The following SF1 variants were observed in gnomAD, a reference collection of about 807,000 sequenced individuals.
SF1 encodes the protein splicing factor 1.
Under a neutral mutation model 62.5 loss-of-function variants are expected in SF1, and 7 were observed. The ratio of observed to expected loss-of-function variants is 0.11; its 90% confidence interval spans 0.06 to 0.21. SF1 has a LOEUF of 0.21. Ranked by LOEUF, SF1 falls within the 10% of genes least tolerant of loss-of-function variation. The pLI is 1.00. For missense variants in SF1, 578 were observed against 884.0 expected (o/e 0.65, Z 4.39); for synonymous variants, 394 against 323.6 (o/e 1.22, Z -2.33).
rs544350478 is a variant in SF1 at position 64,764,737 on chromosome 11, T to C, written c.*1081A>G. 3 of 152,710 alleles carry C rather than the reference T, an allele frequency of 2.0e-5. No individual in the cohort carries two copies. Among genetic ancestry groups the C allele is most frequent in the African/African-American group, 7.2e-5 (3 of 41,542 alleles). 9.5% of individuals were successfully genotyped at this position (152,710 alleles called of 1,614,324 possible). ...TGAAGAGAACGCGCAGTATACATTA[T>C]TGTCAACAGAATCACTTCATGGAGA... On this transcript the variant is annotated 3_prime_UTR_variant, in exon 13 of 13. Coordinates refer to ENST00000377390, the MANE Select transcript of SF1 (RefSeq NM_004630.4).
At chr11:64,776,379 T>G in intron 2 of SF1, 119 bp downstream of exon 2, 1 of 1,118,192 alleles carries the variant, frequency 8.9e-7, no homozygotes, top group Non-Finnish European at 1.3e-6. Context: ...ACCAAAGTCG[T>G]GAAAGTATCT....
intron 10 of SF1, 38 bp downstream of exon 10, chr11:64,767,533 C>T: frequency 6.6e-7 from 1 of 1,520,134 alleles, no homozygotes; most frequent in Non-Finnish European, 8.8e-7. Flanking sequence ...CTTGCTTATC[C>T]CAAAGCCCCC....
Position 64,765,464 on chromosome 11 carries a change from G to A in SF1, c.*354C>T. The A allele has an allele frequency of 3.1e-6, 5 of 1,613,082 alleles. No homozygotes were observed. The highest frequency in any genetic ancestry group is 4.2e-6 in the Non-Finnish European group (5 of 1,179,392). On this transcript the variant is annotated 3_prime_UTR_variant, in exon 13 of 13. Coordinates refer to ENST00000377390, the MANE Select transcript of SF1 (RefSeq NM_004630.4). ...GTCTGCCTGGAAGGGTCACCAATGG[G>A]CGCGGAAAGTCCTCACTCTCATGGC...
intron 1 of SF1, among the ~76,000 whole-genome samples, chr11:64,776,831 G>T (rs528161670): frequency 6.6e-6 from 1 of 152,152 alleles, no homozygotes; most frequent in South Asian, 2.1e-4. Context: ...TGTGGTCCTT[G>T]GTCAGGCAAG....
intron 3 of SF1, chr11:64,773,128 G>A (rs1938587303): frequency 2.5e-6 from 3 of 1,199,046 alleles, no homozygotes; most frequent in Non-Finnish European, 3.1e-6. Flanking sequence ...CAGGTTAACG[G>A]GCCACCTCAC....
In SF1 at chr11:64,765,364, T is replaced by G. The variant is rs771188004; in HGVS notation, c.*454A>C. 1 of 921,206 alleles carries G rather than the reference T, an allele frequency of 1.1e-6. No individual in the cohort carries two copies. Among genetic ancestry groups the G allele is most frequent in the Admixed American group, 2.0e-5 (1 of 50,066 alleles). The allele number at this position is 921,206 out of a possible 1,614,324, so 57.1% of individuals were successfully genotyped here. A position where few individuals can be genotyped will look rare whatever the true frequency, so the allele number is the denominator to read the frequency against. ...AATTTCACGATATGGAGCCAGCGTG[T>G]TCCGATTCCGTCCACAAAAATAACT... is the stretch of plus-strand genomic sequence containing the variant. On this transcript the variant is annotated 3_prime_UTR_variant, in exon 13 of 13. Coordinates refer to ENST00000377390, the MANE Select transcript of SF1 (RefSeq NM_004630.4).
At chr11:64,770,529 A>G in intron 3 of SF1, 121 bp from the exon 4 acceptor site, 1 of 1,051,488 alleles carries the variant, frequency 9.5e-7, no homozygotes. Flanking sequence ...TCTTCGGAGG[A>G]ACCGACCATA....
At chr11:64,778,165 GGGCGGCGGCGGAGGCGGCGGA>G (rs1283588446) in intron 1 of SF1, 176 bp downstream of exon 1, 3 of 898,724 alleles carry the variant, frequency 3.3e-6, no homozygotes, top group Admixed American at 5.1e-5. Context: ...GAGGCGGAGG[GGGCGGCGGCGGAGGCGGCGGA>G]GGCAGCGCCG....
At chr11:64,777,817 T>C (rs1272496146) in intron 1 of SF1, 15 of 878,618 alleles carry the variant, frequency 1.7e-5, no homozygotes, top group Non-Finnish European at 2.0e-5. Flanking sequence ...GCGTGCGCAC[T>C]CGAGGCCCTA....
At chr11:64,766,277 G>A (rs2058661773) in intron 12 of SF1, 122 bp from the exon 13 acceptor site, 1 of 476,798 alleles carries the variant, frequency 2.1e-6, no homozygotes, top group Non-Finnish European at 3.8e-6. Flanking sequence ...TACGGTGGTG[G>A]GGGGCGGGTG....
At position 64,770,138 on chromosome 11, in the gene SF1, G is replaced by A. The variant is rs567768329; in HGVS notation, c.390-85C>T. 4.9e-4 allele frequency: 758 copies of A among 1,545,490 alleles called. 2 individuals are homozygous for A. The highest frequency in any genetic ancestry group is 6.2e-4 in the Non-Finnish European group (693 of 1,118,748). ...TTCTAAAACCAAATATTGGTACCAA[G>A]TGCTAATTATGGGTGACTTGAGGCA... On this transcript the variant is annotated intron_variant, in intron 4 of 12. Transcript: ENST00000377390.
At chr11:64,768,528 C>T (rs1342590264) in intron 8 of SF1, among the ~76,000 whole-genome samples, 1 of 152,212 alleles carries the variant, frequency 6.6e-6, no homozygotes, top group East Asian at 1.9e-4. Context: ...GCACAGGAGA[C>T]CCTGAGCACC....
At position 64,765,566 on chromosome 11, in the gene SF1, A is replaced by T; in HGVS notation, c.*252T>A. 1.3e-6 allele frequency: 2 copies of T among 1,553,934 alleles called. No individual in the cohort carries two copies. The highest frequency in any genetic ancestry group is 1.7e-6 in the Non-Finnish European group (2 of 1,154,198). ...GGCAAAGGGAGTTGGGTGAGGAGAGAAAGAAGACAAAGAAGACACTCGATG... is the reference window on the plus strand; with the variant it reads ...GGCAAAGGGAGTTGGGTGAGGAGAGTAAGAAGACAAAGAAGACACTCGATG... On this transcript the variant is annotated 3_prime_UTR_variant, in exon 13 of 13. Transcript: ENST00000377390.
At position 64,767,595 on chromosome 11, in the gene SF1, C is replaced by G; in HGVS notation, c.1318G>C (p.Gly440Arg). 1.9e-6 allele frequency: 3 copies of G among 1,573,246 alleles called. No homozygotes were observed. Among genetic ancestry groups the G allele is most frequent in the Non-Finnish European group, 2.6e-6 (3 of 1,162,254 alleles). ...PPMNQGPHPP[G>R]HHGPPPMDQY... is the part of the protein sequence containing the mutation. The stretch of plus-strand genomic sequence containing the variant: ...CCCATTGGAGGAGGGCCATGGTGCC[C>G]AGGAGGGTGGGGGCCCTGGTTCATC... Residue 440 changes from glycine (G) to arginine (R), a missense_variant, in exon 10 of 13, where the codon GGG (glycine) becomes CGG (arginine). By Grantham distance (125) the Gly-to-Arg change is moderately radical (BLOSUM62 -2). Transcript: ENST00000377390.
intron 12 of SF1, chr11:64,766,372 C>T (rs2058671318): frequency 3.4e-6 from 2 of 585,586 alleles, no homozygotes; most frequent in African/African-American, 3.8e-5. Context: ...CAGAGTAAGC[C>T]CTTTGTCACC....
At chr11:64,772,741 G>A (rs921390719) in intron 3 of SF1, 2 of 985,174 alleles carry the variant, frequency 2.0e-6, no homozygotes, top group African/African-American at 1.7e-5. Flanking sequence ...TTTCTGAGGT[G>A]AGAGAAACTG....
chr11:64,768,490 C>G (rs1434058552), intron 8 of SF1, among the ~76,000 whole-genome samples: 1 of 152,192 alleles, frequency 6.6e-6, no homozygotes, highest in African/African-American at 2.4e-5. Flanking sequence ...TCTGGGATCA[C>G]CAGAGTAGAG....
chr11:64,769,854 T>C lies in SF1; in HGVS notation c.479+110A>G, dbSNP rs1424423055. On this transcript the variant is annotated intron_variant, in intron 5 of 12. Transcript: ENST00000377390. ...GCATTAATTCAGCCAAAATGAAATG[T>C]CCTACCAAAAAGGGGAAAAGTAAGC... The C allele has an allele frequency of 1.3e-5, 11 of 876,370 alleles. No homozygotes were observed. In the South Asian group the frequency reaches 1.6e-4, roughly 13 times the overall value. The allele number at this position is 876,370 out of a possible 1,614,324, so 54.3% of individuals were successfully genotyped here. A position where few individuals can be genotyped will look rare whatever the true frequency, so the allele number is the denominator to read the frequency against.
chr11:64,769,919 A>C, intron 5 of SF1, 45 bp downstream of exon 5: 1 of 1,419,004 alleles, frequency 7.0e-7, no homozygotes, highest in Non-Finnish European at 9.9e-7. Flanking sequence ...CACATCTCAC[A>C]GGCTCTAAAG....
Sources: allele counts gnomAD v4.1 joint callset (sites outside exome capture counted in the v4.1 genomes callset), GRCh38; gene constraint gnomAD v4.1.1; transcripts MANE v1.5; gene names NCBI Gene and HGNC (gene_info 2026-07-23, HGNC 2026-07-21).